The following FNBP1 variants were observed in gnomAD, a reference collection of about 807,000 sequenced individuals.
FNBP1 encodes formin binding protein 1.
FNBP1 carries 26 observed loss-of-function variants against 90.6 expected under a neutral mutation model. The observed-to-expected ratio is 0.29, with a 90% CI of 0.21 to 0.40. FNBP1 has a LOEUF of 0.40. Ranked by LOEUF, FNBP1 falls within the 10% of genes least tolerant of loss-of-function variation. FNBP1 has a pLI of 1.00. For synonymous variants in FNBP1, 260 were observed against 265.2 expected (o/e 0.98, Z 0.19); for missense variants, 635 against 768.0 (o/e 0.83, Z 2.05).
chr9:130,010,325 C>A (rs1375932077), intron 1 of FNBP1, among the ~76,000 whole-genome samples: 1 of 152,166 alleles, frequency 6.6e-6, no homozygotes, highest in Non-Finnish European at 1.5e-5. Flanking sequence ...TCTCTTGCAA[C>A]ACAGACATGG....
intron 2 of FNBP1, among the ~76,000 whole-genome samples, chr9:129,991,576 T>C (rs1162202186): frequency 2.0e-5 from 3 of 152,048 alleles, no homozygotes; most frequent in Non-Finnish European, 4.4e-5. Context: ...CCTAGACATG[T>C]GGATTTTTAA....
intron 4 of FNBP1, among the ~76,000 whole-genome samples, chr9:129,969,360 G>C (rs1038575314): frequency 6.6e-6 from 1 of 151,996 alleles, no homozygotes; most frequent in Admixed American, 6.6e-5. Context: ...CTCACTTCTG[G>C]GAATTTAGTT....
intron 1 of FNBP1, among the ~76,000 whole-genome samples, chr9:130,028,442 A>G (rs1015222197): frequency 6.6e-6 from 1 of 152,232 alleles, no homozygotes; most frequent in Non-Finnish European, 1.5e-5. Context: ...AAAGCCTATT[A>G]GAATGATGTG....
chr9:129,889,088 G>T lies in FNBP1; in HGVS notation c.*1451C>A, dbSNP rs1022727496. ...CTCTGCTCTAAGGCGTGGCGGGGGG[G>T]GGGGGTGGTGGCCACAGATTAGGGG... On this transcript the variant is annotated 3_prime_UTR_variant, in exon 17 of 17. Coordinates refer to ENST00000446176, the MANE Select transcript of FNBP1 (RefSeq NM_015033.3). 9.2e-5 allele frequency: 20 copies of T among 217,098 alleles called. No individual in the cohort carries two copies. Among genetic ancestry groups the T allele is most frequent in the Non-Finnish European group, 1.7e-4 (18 of 107,702 alleles). The allele number at this position is 217,098 out of a possible 1,614,324, so 13.4% of individuals were successfully genotyped here. A position where few individuals can be genotyped will look rare whatever the true frequency, so the allele number is the denominator to read the frequency against.
intron 6 of FNBP1, among the ~76,000 whole-genome samples, chr9:129,949,199 C>A (rs1010919074): frequency 1.3e-5 from 2 of 152,060 alleles, no homozygotes; most frequent in Non-Finnish European, 2.9e-5. Flanking sequence ...CATTCAAAGC[C>A]TTCAAGTTCA....
At chr9:129,938,277 T>A (rs931645619) in intron 6 of FNBP1, among the ~76,000 whole-genome samples, 2 of 152,232 alleles carry the variant, frequency 1.3e-5, no homozygotes, top group African/African-American at 2.4e-5. Flanking sequence ...AGTTGTTGGA[T>A]GATAAACGGC....
At chr9:129,987,297 T>C (rs895831034) in intron 2 of FNBP1, among the ~76,000 whole-genome samples, 20 of 152,076 alleles carry the variant, frequency 1.3e-4, no homozygotes, top group Admixed American at 1.1e-3. Context: ...GAGGCTGTTG[T>C]AGAGAGAAGT....
At position 129,923,756 on chromosome 9, in the gene FNBP1, G is replaced by A. The variant is rs1311479200; in HGVS notation, c.1170+88C>T. The stretch of plus-strand genomic sequence containing the variant: ...TTTATATGTTATGGGAAAACACAAT[G>A]GATTCATTCACAAACAAAATTAGTT... On this transcript the variant is annotated intron_variant, in intron 10 of 16. Coordinates refer to ENST00000446176, the MANE Select transcript of FNBP1 (RefSeq NM_015033.3). The A allele has an allele frequency of 1.7e-5, 23 of 1,332,908 alleles. No individual in the cohort carries two copies. The Admixed American group carries it at 7.4e-4, about 43-fold the overall frequency. The allele number at this position is 1,332,908 out of a possible 1,614,324, so 82.6% of individuals were successfully genotyped here.
intron 5 of FNBP1, among the ~76,000 whole-genome samples, chr9:129,958,094 G>C (rs2047216825): frequency 1.3e-5 from 2 of 152,062 alleles, no homozygotes; most frequent in Non-Finnish European, 2.9e-5. Flanking sequence ...TTTACTTTCT[G>C]ATTGACTCAA....
At chr9:129,932,403 A>G (rs1301526105) in intron 6 of FNBP1, among the ~76,000 whole-genome samples, 2 of 151,782 alleles carry the variant, frequency 1.3e-5, no homozygotes, top group African/African-American at 4.8e-5. Context: ...AATCTTCTTT[A>G]TTGGTTTCCT....
At chr9:129,984,714 G>C (rs2051861662) in intron 2 of FNBP1, among the ~76,000 whole-genome samples, 1 of 151,950 alleles carries the variant, frequency 6.6e-6, no homozygotes, top group East Asian at 1.9e-4. Context: ...AGGGACCCAG[G>C]GGGAAGTAAT....
In FNBP1 at chr9:129,896,128, C is replaced by T. The variant is rs2035699581; in HGVS notation, c.1688-132G>A. On this transcript the variant is annotated intron_variant, in intron 15 of 16. Transcript: ENST00000446176. ...AAAATTCACCCCACTCGGACCTTCTCAGATGCACGGACCCCTCACCCACTG... is the reference window on the plus strand; with the variant it reads ...AAAATTCACCCCACTCGGACCTTCTTAGATGCACGGACCCCTCACCCACTG... 3.5e-6 allele frequency: 3 copies of T among 852,234 alleles called. No homozygotes were observed. The East Asian group carries it at 7.6e-5, about 22-fold the overall frequency. 52.8% of individuals were successfully genotyped at this position (852,234 alleles called of 1,614,324 possible).
chr9:130,003,967 T>C (rs548673269), intron 1 of FNBP1, among the ~76,000 whole-genome samples: 1 of 151,640 alleles, frequency 6.6e-6, no homozygotes, highest in Non-Finnish European at 1.5e-5. Context: ...TTGCTCAAAT[T>C]ATGCAGAAGA....
At chr9:129,976,317 T>A (rs1030665665) in intron 4 of FNBP1, among the ~76,000 whole-genome samples, 1 of 152,054 alleles carries the variant, frequency 6.6e-6, no homozygotes, top group African/African-American at 2.4e-5. Context: ...TTAGCCACAA[T>A]CCCTGAGACA....
At chr9:129,977,276 T>C (rs1452907156) in intron 4 of FNBP1, among the ~76,000 whole-genome samples, 2 of 151,924 alleles carry the variant, frequency 1.3e-5, no homozygotes, top group African/African-American at 4.8e-5. Flanking sequence ...TAAAGATAAA[T>C]CCCTTAAGGC....
At position 130,038,814 on chromosome 9, in the gene FNBP1, G is replaced by T. The variant is rs944609173; in HGVS notation, c.24+4138C>A. Among the ~76,000 whole-genome samples, 5 of 152,188 alleles carry T rather than the reference G, an allele frequency of 3.3e-5. No homozygotes were observed. The South Asian group carries it at 1.0e-3, about 31-fold the overall frequency. The stretch of plus-strand genomic sequence containing the variant: ...AGAGCAAATAAATAAAGACAGAGAG[G>T]ATACTAGGAGGCAGCAAAACCAGGT... On this transcript the variant is annotated intron_variant, in intron 1 of 16. Transcript: ENST00000446176.
intron 11 of FNBP1, among the ~76,000 whole-genome samples, chr9:129,915,656 G>A (rs1442757050): frequency 2.0e-5 from 3 of 152,236 alleles, no homozygotes; most frequent in East Asian, 1.9e-4. Flanking sequence ...GAGCCACTGC[G>A]CCCGGCCTTT....
intron 4 of FNBP1, among the ~76,000 whole-genome samples, chr9:129,977,153 C>T (rs925335427): frequency 6.7e-6 from 1 of 148,560 alleles, no homozygotes; most frequent in African/African-American, 2.5e-5. Flanking sequence ...GGTGAAACTC[C>T]GTCTCAAAAA....
chr9:129,971,272 C>A (rs1293131957), intron 4 of FNBP1, among the ~76,000 whole-genome samples: 1 of 152,010 alleles, frequency 6.6e-6, no homozygotes, highest in Non-Finnish European at 1.5e-5. Flanking sequence ...AATGGATATT[C>A]ATAACATTAA....
Sources: gnomAD v4.1 joint callset for allele counts (sites outside exome capture counted in the v4.1 genomes callset) on GRCh38, gnomAD v4.1.1 for gene constraint, MANE v1.5 for transcripts, NCBI Gene and HGNC (gene_info 2026-07-23, HGNC 2026-07-21) for gene names.